Variants in MRTFB observed in about 807,000 individuals in gnomAD.
MRTFB encodes the protein myocardin-related transcription factor B.
In MRTFB, 29 loss-of-function variants were observed where a neutral mutation model predicts 104.2. The observed-to-expected ratio is 0.28, with a 90% confidence interval of 0.21 to 0.38. The LOEUF (loss-of-function observed/expected upper bound fraction) is 0.38. Among genes scored for constraint, MRTFB ranks in the 10% least tolerant of loss-of-function variants. MRTFB has a pLI of 1.00. For synonymous variants in MRTFB, 535 were observed against 519.5 expected, an observed-to-expected ratio of 1.03 and a Z score of -0.41; for missense variants, 1,270 against 1,341.6, an observed-to-expected ratio of 0.95 and a Z score of 0.83.
intron 3 of MRTFB, among the ~76,000 whole-genome samples, chr16:14,192,244 TAA>T (rs2040220167): frequency 6.6e-6 from 1 of 151,988 alleles, no homozygotes; most frequent in South Asian, 2.1e-4. Context: ...TGCTGGCTTA[TAA>T]GCCTGTAGGC....
chr16:14,217,378 C>T (rs1215832506), intron 7 of MRTFB, 91 bp downstream of exon 7: 6 of 1,074,872 alleles, frequency 5.6e-6, no homozygotes, highest in South Asian at 4.6e-5. Flanking sequence ...TAGCACCGAT[C>T]GTGAGTATTG....
chr16:14,026,086 T>C, the MRTFB span, among the ~76,000 whole-genome samples: 13 of 152,322 alleles, frequency 8.5e-5, no homozygotes, highest in Non-Finnish European at 1.6e-4. Flanking sequence ...TCTGTCAGAA[T>C]CCCACTAGTG....
chr16:14,016,702 G>C, the MRTFB span, among the ~76,000 whole-genome samples: 1 of 145,674 alleles, frequency 6.9e-6, no homozygotes, highest in East Asian at 2.0e-4. Flanking sequence ...GAACCCAGGA[G>C]GCGGAGGTTG....
At chr16:14,238,993 C>G (rs1040035467) in intron 9 of MRTFB, among the ~76,000 whole-genome samples, 9 of 152,192 alleles carry the variant, frequency 5.9e-5, no homozygotes, top group African/African-American at 2.2e-4. Flanking sequence ...TGGCCAGTTT[C>G]AGGCTACCGG....
intron 2 of MRTFB, among the ~76,000 whole-genome samples, chr16:14,101,205 T>A (rs2035687135): frequency 6.6e-6 from 1 of 151,920 alleles, no homozygotes; most frequent in Non-Finnish European, 1.5e-5. Context: ...TTGAGCTGTT[T>A]CCTCTCTAAG....
At chr16:14,130,203 G>A (rs1289515077) in intron 2 of MRTFB, among the ~76,000 whole-genome samples, 2 of 152,026 alleles carry the variant, frequency 1.3e-5, no homozygotes, top group African/African-American at 2.4e-5. Flanking sequence ...TTATATTCTG[G>A]ATACAAGTCC....
At chr16:14,093,892 C>T (rs1326456125) in intron 2 of MRTFB, among the ~76,000 whole-genome samples, 3 of 152,120 alleles carry the variant, frequency 2.0e-5, no homozygotes, top group African/African-American at 2.4e-5. Context: ...TGGAGGCACC[C>T]CTTATCAGCT....
chr16:14,139,762 C>T (rs972557895), intron 2 of MRTFB, among the ~76,000 whole-genome samples: 1 of 152,178 alleles, frequency 6.6e-6, no homozygotes, highest in Non-Finnish European at 1.5e-5. Flanking sequence ...AAAGGATGAA[C>T]ACACTGTGCT....
intron 2 of MRTFB, among the ~76,000 whole-genome samples, chr16:14,118,128 T>C (rs957894255): frequency 2.0e-5 from 3 of 149,604 alleles, no homozygotes; most frequent in African/African-American, 7.6e-5. Context: ...ATCTTTTTTT[T>C]TTTTTTTCTT....
At chr16:14,086,431 A>G (rs1354007610) in intron 2 of MRTFB, among the ~76,000 whole-genome samples, 2 of 152,204 alleles carry the variant, frequency 1.3e-5, no homozygotes, top group East Asian at 1.9e-4. Flanking sequence ...TCCCCTAGCA[A>G]TTTTTATTTG....
chr16:14,040,537 A>G, the MRTFB span, among the ~76,000 whole-genome samples: 1 of 149,660 alleles, frequency 6.7e-6, no homozygotes, highest in African/African-American at 2.5e-5. Context: ...ATCTCAGCTC[A>G]CTCCAACCTC....
rs907548819 is a variant in MRTFB at position 14,078,687 on chromosome 16, C to A, written c.-128-603C>A. ...TCAAGCGATTTGCCCACCTTGGCCT[C>A]ACCAAGCCCGGGAATTACTGGTGTA... On this transcript the variant is annotated intron_variant, in intron 1 of 16. Coordinates refer to ENST00000571589, the MANE Select transcript of MRTFB (RefSeq NM_001308142.2). Among the ~76,000 whole-genome samples the A allele has an allele frequency of 2.0e-5, 3 of 151,868 alleles. No homozygotes were observed. In the South Asian group the frequency reaches 6.2e-4, roughly 32 times the overall value.
chr16:14,029,640 T>C, the MRTFB span, among the ~76,000 whole-genome samples: 218 of 151,980 alleles, frequency 1.4e-3, 1 homozygote, highest in African/African-American at 5.1e-3. Context: ...CCATCATCAT[T>C]GTCTTCATCG....
the MRTFB span, among the ~76,000 whole-genome samples, chr16:14,010,768 C>A: frequency 5.9e-5 from 9 of 152,220 alleles, 1 homozygote; most frequent in Admixed American, 4.6e-4. Flanking sequence ...ATATGGTAGG[C>A]ATTAGCCACA....
At chr16:14,134,250 G>C (rs1383025882) in intron 2 of MRTFB, among the ~76,000 whole-genome samples, 7 of 152,104 alleles carry the variant, frequency 4.6e-5, no homozygotes, top group Non-Finnish European at 1.0e-4. Context: ...TGTATTGTCA[G>C]TATTTGCTAT....
chr16:14,252,532 G>A, intron 15 of MRTFB, 30 bp downstream of exon 15: 2 of 1,612,622 alleles, frequency 1.2e-6, no homozygotes, highest in African/African-American at 1.3e-5. Flanking sequence ...TGGTGCATAA[G>A]GCTATGGTGG....
At chr16:14,252,130 T>C in intron 14 of MRTFB, 107 bp downstream of exon 14, 1 of 1,336,742 alleles carries the variant, frequency 7.5e-7, no homozygotes, top group Non-Finnish European at 1.0e-6. Context: ...GGGATAAAAT[T>C]GTTGAAAATA....
rs1358137445 is a variant in MRTFB, at chr16:14,217,053, G to A, written c.353-73G>A. On this transcript the variant is annotated intron_variant, in intron 6 of 16. Coordinates refer to ENST00000571589, the MANE Select transcript of MRTFB (RefSeq NM_001308142.2). ...GTCTAAATCAGTTTAAATTCAGTTT[G>A]TTGGCCTGAAATAACATTATGGAAT... 12 of 1,431,062 alleles carry A rather than the reference G, an allele frequency of 8.4e-6. No homozygotes were observed. The Admixed American group carries it at 2.6e-4, about 31-fold the overall frequency. 88.6% of individuals were successfully genotyped at this position (1,431,062 alleles called of 1,614,324 possible).
chr16:14,182,020 C>A (rs1433062522), intron 3 of MRTFB, among the ~76,000 whole-genome samples: 2 of 152,146 alleles, frequency 1.3e-5, no homozygotes, highest in African/African-American at 4.8e-5. Flanking sequence ...ACTTTCATCA[C>A]ATATTATTTG....
Sources: gnomAD v4.1 joint callset for allele counts (sites outside exome capture counted in the v4.1 genomes callset) on GRCh38, gnomAD v4.1.1 for gene constraint, MANE v1.5 for transcripts, NCBI Gene and HGNC (gene_info 2026-07-23, HGNC 2026-07-21) for gene names.